The following DNMT1 variants were observed in gnomAD, a reference collection of about 807,000 sequenced individuals.
DNMT1 encodes the protein DNA (cytosine-5)-methyltransferase 1.
A neutral mutation model predicts 205.3 loss-of-function variants in DNMT1; 24 were observed. That is an observed-to-expected ratio of 0.12 (90% CI 0.08 to 0.16). The LOEUF (loss-of-function observed/expected upper bound fraction) is 0.16, where lower values mean the gene tolerates loss of function less well. Among genes scored for constraint, DNMT1 ranks in the 10% least tolerant of loss-of-function variants. The probability of loss-of-function intolerance (pLI) is 1.00; values close to 1 mark genes in which losing one functional copy is unlikely to be tolerated. For missense variants in DNMT1, 1,293 were observed against 2,177.7 expected, an observed-to-expected ratio of 0.59 and a Z score of 8.09; for synonymous variants, 817 against 839.8, an observed-to-expected ratio of 0.97 and a Z score of 0.47.
intron 1 of DNMT1, among the ~76,000 whole-genome samples, chr19:10,193,609 C>T (rs932786798): frequency 4.6e-5 from 7 of 150,638 alleles, no homozygotes; most frequent in Non-Finnish European, 1.0e-4. Context: ...GAGATTCGTC[C>T]GCCACTGCCT....
Position 10,146,248 on chromosome 19 carries a change from G to T in DNMT1, c.2894+103C>A. On this transcript the variant is annotated intron_variant, in intron 28 of 40. Coordinates refer to ENST00000359526, the MANE Select transcript of DNMT1 (RefSeq NM_001130823.3). This position sits in a 1 kb window ranked among gnomAD's most constrained non-coding sequence, Gnocchi z 4.4. The stretch of plus-strand genomic sequence containing the variant: ...CAACGTGACGGCTAGGACAACAGCT[G>T]GTGCGGAGGGATTGGCAATGTCTGT... 3 of 1,389,908 alleles carry T rather than the reference G, an allele frequency of 2.2e-6. No individual in the cohort carries two copies. The South Asian group carries it at 3.9e-5, about 18-fold the overall frequency. 86.1% of individuals were successfully genotyped at this position (1,389,908 alleles called of 1,614,324 possible). A position where few individuals can be genotyped will look rare whatever the true frequency, so the allele number is the denominator to read the frequency against.
At chr19:10,180,694 G>A in intron 3 of DNMT1, 84 bp downstream of exon 3, 2 of 1,495,216 alleles carry the variant, frequency 1.3e-6, no homozygotes, top group Middle Eastern at 1.7e-4. Context: ...AGGACAGCTG[G>A]GGATCTTGCT....
chr19:10,137,579 G>A lies in DNMT1; in HGVS notation c.4293+253C>T. ...ATCCTGGGAAAACATGCGGGGAGAG[G>A]CAGCAAGGGGGAAGGCAGTGGTGGG... On this transcript the variant is annotated intron_variant, in intron 36 of 40. Coordinates refer to ENST00000359526, the MANE Select transcript of DNMT1 (RefSeq NM_001130823.3). The surrounding 1 kb of genome is among the most constrained non-coding windows in gnomAD (Gnocchi z 6.4). The A allele has an allele frequency of 3.1e-6, 2 of 647,614 alleles. No homozygotes were observed. The highest frequency in any genetic ancestry group is 5.3e-6 in the Non-Finnish European group (2 of 375,690). The allele number at this position is 647,614 out of a possible 1,614,324, so 40.1% of individuals were successfully genotyped here.
chr19:10,133,748 G>A lies in DNMT1; in HGVS notation c.4865-47C>T. 1 of 1,558,542 alleles carries A rather than the reference G, an allele frequency of 6.4e-7. No individual in the cohort carries two copies. The highest frequency in any genetic ancestry group is 8.7e-7 in the Non-Finnish European group (1 of 1,148,666). On this transcript the variant is annotated intron_variant, in intron 40 of 40. Coordinates refer to ENST00000359526, the MANE Select transcript of DNMT1 (RefSeq NM_001130823.3). The surrounding 1 kb of genome is among the most constrained non-coding windows in gnomAD (Gnocchi z 4.1). The stretch of plus-strand genomic sequence containing the variant: ...AGTCACTCTGGGGAACACGCCCGGT[G>A]TCACGCCACTTGACAGGCGAGTAAC...
intron 3 of DNMT1, 83 bp downstream of exon 3, chr19:10,180,695 G>C: frequency 2.0e-6 from 3 of 1,491,778 alleles, no homozygotes; most frequent in Non-Finnish European, 2.8e-6. Context: ...GGACAGCTGG[G>C]GATCTTGCTG....
chr19:10,150,034 G>A, intron 24 of DNMT1, 66 bp from the exon 25 acceptor site: 1 of 1,371,166 alleles, frequency 7.3e-7, no homozygotes, highest in Non-Finnish European at 1.0e-6. Flanking sequence ...TGACTTGCAT[G>A]GTCCTCTGTT....
In DNMT1 at chr19:10,174,720, A is replaced by C. The variant is rs571407471; in HGVS notation, c.649-815T>G. Among the ~76,000 whole-genome samples, 46 of 139,798 alleles carry C rather than the reference A, an allele frequency of 3.3e-4. No homozygotes were observed. The East Asian group carries it at 7.2e-3, about 22-fold the overall frequency. The allele number at this position is 139,798 out of a possible 152,430, so 91.7% of individuals were successfully genotyped here. ...AGACTCCATCTAAAAAAAATTAAAA[A>C]CAACAACAACAACAACAAAAAAAAC... On this transcript the variant is annotated intron_variant, in intron 7 of 40. Transcript: ENST00000359526.
intron 12 of DNMT1, 31 bp from the exon 13 acceptor site, chr19:10,162,779 C>A: frequency 6.2e-7 from 1 of 1,611,682 alleles, no homozygotes; most frequent in African/African-American, 1.3e-5. Context: ...CAGCAAGTAG[C>A]AGCTTAGAAA....
At chr19:10,182,478 CATATATATGTGTATATAT>C (rs2039080991) in intron 1 of DNMT1, among the ~76,000 whole-genome samples, 1 of 108,782 alleles carries the variant, frequency 9.2e-6, no homozygotes, top group African/African-American at 3.5e-5. Context: ...TATATATATA[CATATATATGTGTATATAT>C]ATGTGTGTAT....
intron 7 of DNMT1, among the ~76,000 whole-genome samples, chr19:10,175,080 TACATACACACAC>T (rs1426912717): frequency 8.8e-5 from 8 of 90,626 alleles, no homozygotes; most frequent in Admixed American, 3.8e-4. Flanking sequence ...AATACATACA[TACATACACACAC>T]ACACACACAC....
chr19:10,167,655 C>T (rs2038724175), intron 10 of DNMT1, among the ~76,000 whole-genome samples: 1 of 152,222 alleles, frequency 6.6e-6, no homozygotes, highest in Non-Finnish European at 1.5e-5. Context: ...CAGCCGACAG[C>T]CACCAAGCTG....
intron 1 of DNMT1, among the ~76,000 whole-genome samples, chr19:10,190,942 G>C (rs2039291358): frequency 6.6e-6 from 1 of 151,798 alleles, no homozygotes; most frequent in South Asian, 2.1e-4. Context: ...GCAAAACCCA[G>C]TCTCTAATAA....
chr19:10,146,554 G>A lies in DNMT1; in HGVS notation c.2721-30C>T. The A allele has an allele frequency of 6.2e-7, 1 of 1,613,566 alleles. No individual in the cohort carries two copies. Among genetic ancestry groups the A allele is most frequent in the Non-Finnish European group, 8.5e-7 (1 of 1,180,010 alleles). On this transcript the variant is annotated intron_variant, in intron 27 of 40. Coordinates refer to ENST00000359526, the MANE Select transcript of DNMT1 (RefSeq NM_001130823.3). This position sits in a 1 kb window ranked among gnomAD's most constrained non-coding sequence, Gnocchi z 4.4. ...AGGAAACAAAGGGACAGAAACATAAGGCCCTGAGGTGGCCGGCAGTGGCCG... is the reference window on the plus strand; with the variant it reads ...AGGAAACAAAGGGACAGAAACATAAAGCCCTGAGGTGGCCGGCAGTGGCCG...
chr19:10,160,500 A>G lies in DNMT1; in HGVS notation c.1009-82T>C. 21 of 1,466,700 alleles carry G rather than the reference A, an allele frequency of 1.4e-5. No individual in the cohort carries two copies. In the South Asian group the frequency reaches 2.3e-4, roughly 16 times the overall value. The allele number at this position is 1,466,700 out of a possible 1,614,324, so 90.9% of individuals were successfully genotyped here. On this transcript the variant is annotated intron_variant, in intron 13 of 40. Coordinates refer to ENST00000359526, the MANE Select transcript of DNMT1 (RefSeq NM_001130823.3). ...AGTGCTTCGGTGTTAAGAACTTTGT[A>G]TAAGTGATTATCATAAAACAGAGAG...
At chr19:10,170,371 G>A (rs538286551) in intron 9 of DNMT1, among the ~76,000 whole-genome samples, 6 of 152,070 alleles carry the variant, frequency 3.9e-5, no homozygotes, top group Non-Finnish European at 2.9e-5. Context: ...GGATGCAGTG[G>A]CTCACGCCTG....
Position 10,177,374 on chromosome 19 carries a change from AAAG to A in DNMT1, c.494-10_494-8del, listed in dbSNP as rs749027264. The A allele has an allele frequency of 4.3e-6, 7 of 1,612,220 alleles. No homozygotes were observed. In the South Asian group the frequency reaches 4.4e-5, roughly 10 times the overall value. ...GGGCTAGGTGAAGGTTCAGCTGTTT[AAAG>A]AAGAAAAAGCATTAAAAAGAAAAAA... On this transcript the variant is annotated splice_polypyrimidine_tract_variant and splice_region_variant and intron_variant, in intron 5 of 40. Transcript: ENST00000359526.
At position 10,154,506 on chromosome 19, in the gene DNMT1, A is replaced by G. The variant is rs768497851; in HGVS notation, c.1833-27T>C. The G allele has an allele frequency of 1.2e-6, 2 of 1,614,114 alleles. No individual in the cohort carries two copies. The highest frequency in any genetic ancestry group is 2.7e-5 in the African/African-American group (2 of 75,020). On this transcript the variant is annotated intron_variant, in intron 21 of 40. Coordinates refer to ENST00000359526, the MANE Select transcript of DNMT1 (RefSeq NM_001130823.3). This position sits in a 1 kb window ranked among gnomAD's most constrained non-coding sequence, Gnocchi z 6.3. ...TACGGGAGAGGTTCCAGCATCTCAG[A>G]GGACTGGGACAGAGGATGTGGGCCA...
At chr19:10,139,623 G>GAGA (rs2089561525) in intron 34 of DNMT1, 53 bp downstream of exon 34, 1 of 1,591,842 alleles carries the variant, frequency 6.3e-7, no homozygotes. Flanking sequence ...CTGGCTGCTG[G>GAGA]CCGGGTCACG....
At chr19:10,182,936 G>T (rs2039099316) in intron 1 of DNMT1, among the ~76,000 whole-genome samples, 1 of 150,338 alleles carries the variant, frequency 6.7e-6, no homozygotes, top group Admixed American at 6.7e-5. Flanking sequence ...GAAGTGCTAG[G>T]ATTACAGGCA....
Sources: gnomAD v4.1 joint callset for allele counts (sites outside exome capture counted in the v4.1 genomes callset) on GRCh38, gnomAD v4.1.1 for gene constraint, Gnocchi (gnomAD v3.1) non-coding constraint, MANE v1.5 for transcripts, NCBI Gene and HGNC (gene_info 2026-07-23, HGNC 2026-07-21) for gene names.